The following UTS2 variants were observed in gnomAD, a reference collection of about 807,000 sequenced individuals.
UTS2 encodes urotensin-2.
A neutral mutation model predicts 12.6 loss-of-function variants in UTS2; 10 were observed. That is an observed-to-expected ratio of 0.80 (90% CI 0.49 to 1.35). The LOEUF (loss-of-function observed/expected upper bound fraction) is 1.35. Among genes scored for constraint, UTS2 ranks in the 40% most tolerant of loss-of-function variants. UTS2 has a pLI of 0.00. For synonymous variants in UTS2, 52 were observed against 50.0 expected, an observed-to-expected ratio of 1.04 and a Z score of -0.17; for missense variants, 142 against 143.2, an observed-to-expected ratio of 0.99 and a Z score of 0.04.
At chr1:7,901,822 T>A in the UTS2 span, among the ~76,000 whole-genome samples, 4 of 151,968 alleles carry the variant, frequency 2.6e-5, no homozygotes, top group Non-Finnish European at 5.9e-5. Context: ...GAGATGCCTG[T>A]GAGGATCCAC....
Position 7,852,749 on chromosome 1 carries a change from G to A in UTS2, c.103+152C>T. ...TACTACATCTAAAATGTGCAGTAAGGATCCTTTAATATTCTTTTCAAAGCT... is the reference window on the plus strand; with the variant it reads ...TACTACATCTAAAATGTGCAGTAAGAATCCTTTAATATTCTTTTCAAAGCT... On this transcript the variant is annotated intron_variant, in intron 1 of 3. Transcript: ENST00000361696. The A allele has an allele frequency of 3.7e-6, 3 of 816,090 alleles. No individual in the cohort carries two copies. In the South Asian group the frequency reaches 7.1e-5, roughly 19 times the overall value. 50.6% of individuals were successfully genotyped at this position (816,090 alleles called of 1,614,324 possible). A position where few individuals can be genotyped will look rare whatever the true frequency, so the allele number is the denominator to read the frequency against.
chr1:7,860,580 T>G, the UTS2 span, among the ~76,000 whole-genome samples: 667 of 152,194 alleles, frequency 4.4e-3, 2 homozygotes, highest in Non-Finnish European at 6.2e-3. Context: ...CTATTATTAT[T>G]ATTTTTCGAG....
chr1:7,887,231 A>T, the UTS2 span, among the ~76,000 whole-genome samples: 1 of 151,650 alleles, frequency 6.6e-6, no homozygotes, highest in African/African-American at 2.4e-5. Flanking sequence ...CCATGATGGC[A>T]TTAGGGTTGG....
the UTS2 span, among the ~76,000 whole-genome samples, chr1:7,907,784 A>G: frequency 6.6e-6 from 1 of 152,312 alleles, no homozygotes; most frequent in African/African-American, 2.4e-5. Context: ...GAGTAGGAGG[A>G]AAAGAAATAC....
chr1:7,904,202 C>A, the UTS2 span, among the ~76,000 whole-genome samples: 2 of 151,488 alleles, frequency 1.3e-5, no homozygotes, highest in Non-Finnish European at 2.9e-5. Context: ...TAAAGATGGC[C>A]GAGCACATTA....
the UTS2 span, among the ~76,000 whole-genome samples, chr1:7,864,097 C>G: frequency 6.6e-6 from 1 of 152,248 alleles, no homozygotes; most frequent in Non-Finnish European, 1.5e-5. Flanking sequence ...AGCCTGGATT[C>G]AAGGGCTGGT....
At chr1:7,849,354 A>G (rs1266350857) in intron 3 of UTS2, among the ~76,000 whole-genome samples, 2 of 152,006 alleles carry the variant, frequency 1.3e-5, no homozygotes, top group Non-Finnish European at 2.9e-5. Context: ...AGCTGGGATT[A>G]CAGGTGCCAC....
chr1:7,899,419 T>C, the UTS2 span, among the ~76,000 whole-genome samples: 5 of 152,260 alleles, frequency 3.3e-5, no homozygotes, highest in Admixed American at 2.6e-4. Flanking sequence ...TTTGAGTCGA[T>C]GCAGTTAGGT....
chr1:7,885,423 A>T, the UTS2 span, among the ~76,000 whole-genome samples: 5 of 152,032 alleles, frequency 3.3e-5, no homozygotes, highest in Non-Finnish European at 7.4e-5. Flanking sequence ...GGAGTATGGG[A>T]TACTTCCTCC....
the UTS2 span, among the ~76,000 whole-genome samples, chr1:7,890,867 A>T: frequency 6.8e-6 from 1 of 147,136 alleles, no homozygotes; most frequent in African/African-American, 2.5e-5. Flanking sequence ...AAAAAACCTA[A>T]CCACTCTGTT....
chr1:7,898,668 G>A, the UTS2 span, among the ~76,000 whole-genome samples: 4 of 151,928 alleles, frequency 2.6e-5, no homozygotes, highest in Non-Finnish European at 5.9e-5. Flanking sequence ...TAGTAGAGAC[G>A]GGGTTTCACT....
At chr1:7,874,655 CCCCCACCATCCCCCCAGCAGCGGGGTCA>C in the UTS2 span, among the ~76,000 whole-genome samples, 1 of 152,204 alleles carries the variant, frequency 6.6e-6, no homozygotes, top group Non-Finnish European at 1.5e-5. Flanking sequence ...ACTGACAGCA[CCCCCACCATCCCCCCAGCAGCGGGGTCA>C]CTGTGCACTT....
chr1:7,854,626 A>C (rs1056681842), upstream of UTS2, among the ~76,000 whole-genome samples: 2 of 152,102 alleles, frequency 1.3e-5, no homozygotes, highest in African/African-American at 4.8e-5. Context: ...TTCTTAGACA[A>C]GACACAAATC....
the UTS2 span, among the ~76,000 whole-genome samples, chr1:7,910,118 T>G: frequency 6.6e-6 from 1 of 152,112 alleles, no homozygotes; most frequent in African/African-American, 2.4e-5. Context: ...CAAGTTTTTC[T>G]CTAAACTTCT....
the UTS2 span, among the ~76,000 whole-genome samples, chr1:7,868,320 C>T: frequency 6.6e-6 from 1 of 152,310 alleles, no homozygotes; most frequent in African/African-American, 2.4e-5. Flanking sequence ...TCATCCAACC[C>T]AGAGATAAGG....
chr1:7,881,989 TG>T, the UTS2 span, among the ~76,000 whole-genome samples: 1 of 151,972 alleles, frequency 6.6e-6, no homozygotes, highest in Non-Finnish European at 1.5e-5. Context: ...TCACAGCAAA[TG>T]GATTTTCAAC....
the UTS2 span, among the ~76,000 whole-genome samples, chr1:7,871,651 G>A: frequency 1.3e-5 from 2 of 152,136 alleles, no homozygotes; most frequent in African/African-American, 4.8e-5. Flanking sequence ...CCAGCGGCAT[G>A]TGCTCACTTT....
the UTS2 span, among the ~76,000 whole-genome samples, chr1:7,863,035 ATT>A: frequency 2.4e-3 from 67 of 28,458 alleles, 1 homozygote; most frequent in Non-Finnish European, 4.6e-3. Context: ...ATTGTATTGT[ATT>A]GTATTGTATT....
chr1:7,876,329 T>A, the UTS2 span, among the ~76,000 whole-genome samples: 1 of 152,160 alleles, frequency 6.6e-6, no homozygotes, highest in Non-Finnish European at 1.5e-5. Flanking sequence ...GGCCGAGGAA[T>A]TGACCCATCC....
Sources: gnomAD v4.1 joint callset for allele counts (sites outside exome capture counted in the v4.1 genomes callset) on GRCh38, gnomAD v4.1.1 for gene constraint, MANE v1.5 for transcripts, NCBI Gene and HGNC (gene_info 2026-07-23, HGNC 2026-07-21) for gene names.